Variants in ZNF804B observed in about 807,000 individuals in gnomAD.
The protein encoded by ZNF804B is zinc finger 804B.
In ZNF804B, 80 loss-of-function variants were observed where a neutral mutation model predicts 101.4. The ratio of observed to expected loss-of-function variants is 0.79; its 90% confidence interval spans 0.66 to 0.95. ZNF804B has a LOEUF of 0.95. ZNF804B is among the 40% of genes least tolerant of loss of function. ZNF804B has a pLI of 0.00. For synonymous variants in ZNF804B, 622 were observed against 558.8 expected (o/e 1.11, Z -1.59); for missense variants, 1,673 against 1,561.9 (o/e 1.07, Z -1.20).
intron 3 of ZNF804B, among the ~76,000 whole-genome samples, chr7:89,332,236 T>C (rs561086878): frequency 4.3e-4 from 65 of 151,534 alleles, no homozygotes; most frequent in African/African-American, 1.4e-3. Flanking sequence ...GACTCTAGAG[T>C]TCGATGCTGA....
At chr7:89,044,095 T>C (rs1012742087) in intron 1 of ZNF804B, among the ~76,000 whole-genome samples, 4 of 152,182 alleles carry the variant, frequency 2.6e-5, no homozygotes, top group Non-Finnish European at 5.9e-5. Flanking sequence ...CCACATGTCC[T>C]GGGAGGCATT....
intron 1 of ZNF804B, among the ~76,000 whole-genome samples, chr7:89,210,064 G>A (rs1453436607): frequency 1.3e-5 from 2 of 151,576 alleles, no homozygotes; most frequent in South Asian, 2.1e-4. Flanking sequence ...CAGGAGAATC[G>A]CTTGAACCGG....
chr7:89,263,312 C>G (rs2115818716), intron 2 of ZNF804B, among the ~76,000 whole-genome samples: 1 of 152,128 alleles, frequency 6.6e-6, no homozygotes, highest in Non-Finnish European at 1.5e-5. Flanking sequence ...CCTACCAGCA[C>G]AGACCAGTTA....
At position 88,888,018 on chromosome 7, in the gene ZNF804B, C is replaced by G. The variant is rs185271274; in HGVS notation, c.108+127934C>G. On this transcript the variant is annotated intron_variant, in intron 1 of 3. Transcript: ENST00000333190. ...CACTTTTTTACTGGCTCTATAGTTG[C>G]AGTTATATAAATCTATTATATTTTA... 2.7e-3 allele frequency among the ~76,000 whole-genome samples: 404 copies of G among 152,144 alleles called. 2 individuals are homozygous for G. The highest frequency in any genetic ancestry group is 3.6e-3 in the Non-Finnish European group (246 of 68,006).
intron 2 of ZNF804B, among the ~76,000 whole-genome samples, chr7:89,288,429 C>T (rs942326330): frequency 7.9e-5 from 12 of 152,126 alleles, no homozygotes; most frequent in Non-Finnish European, 1.3e-4. Flanking sequence ...ACCATCAAAA[C>T]AATAAATACA....
Position 88,906,330 on chromosome 7 carries a change from G to A in ZNF804B, c.108+146246G>A, listed in dbSNP as rs530572955. Among the ~76,000 whole-genome samples, 3 of 152,034 alleles carry A rather than the reference G, an allele frequency of 2.0e-5. No homozygotes were observed. The East Asian group carries it at 5.8e-4, about 29-fold the overall frequency. On this transcript the variant is annotated intron_variant, in intron 1 of 3. Coordinates refer to ENST00000333190, the MANE Select transcript of ZNF804B (RefSeq NM_181646.5). ...TTGTTCTTTTCTTCTAGTTCCTTTA[G>A]GTGCAAAGTTCAGTTGTTAACTTGA...
intron 2 of ZNF804B, among the ~76,000 whole-genome samples, chr7:89,276,781 T>G (rs1159444521): frequency 2.0e-5 from 3 of 151,900 alleles, no homozygotes; most frequent in African/African-American, 7.3e-5. Flanking sequence ...GTTTGTCAAC[T>G]ATATCATTTT....
chr7:89,117,467 G>T (rs997877365), intron 1 of ZNF804B, among the ~76,000 whole-genome samples: 4 of 152,050 alleles, frequency 2.6e-5, no homozygotes, highest in African/African-American at 9.7e-5. Flanking sequence ...ATTCTGTGTT[G>T]CTATGCTTAC....
At chr7:89,310,994 G>A (rs1790643482) in intron 2 of ZNF804B, among the ~76,000 whole-genome samples, 1 of 151,828 alleles carries the variant, frequency 6.6e-6, no homozygotes, top group African/African-American at 2.4e-5. Flanking sequence ...AATTTTTGGG[G>A]CCTAGTGCAA....
intron 1 of ZNF804B, among the ~76,000 whole-genome samples, chr7:89,177,065 A>T (rs1791333768): frequency 6.6e-6 from 1 of 151,928 alleles, no homozygotes; most frequent in Admixed American, 6.6e-5. Flanking sequence ...TATTTTGCTT[A>T]TCTTTTCAAG....
intron 1 of ZNF804B, among the ~76,000 whole-genome samples, chr7:88,762,364 G>A (rs1277562906): frequency 6.6e-6 from 1 of 152,136 alleles, no homozygotes; most frequent in African/African-American, 2.4e-5. Flanking sequence ...GTTGAGATGA[G>A]TCTTCCAACA....
chr7:88,867,602 T>G (rs1791750012), intron 1 of ZNF804B, among the ~76,000 whole-genome samples: 1 of 152,166 alleles, frequency 6.6e-6, no homozygotes, highest in African/African-American at 2.4e-5. Flanking sequence ...CAAAGACACA[T>G]CTAGAAATCA....
At chr7:88,914,668 G>A (rs1324860651) in intron 1 of ZNF804B, among the ~76,000 whole-genome samples, 1 of 152,004 alleles carries the variant, frequency 6.6e-6, no homozygotes, top group African/African-American at 2.4e-5. Context: ...TTACAATTAA[G>A]TTATATCAAA....
intron 1 of ZNF804B, among the ~76,000 whole-genome samples, chr7:88,879,209 A>C (rs1457502987): frequency 6.6e-6 from 1 of 152,158 alleles, no homozygotes; most frequent in Non-Finnish European, 1.5e-5. Flanking sequence ...GAGCAAAGTT[A>C]ATGACTTCTG....
At chr7:89,280,349 C>G (rs2115866986) in intron 2 of ZNF804B, among the ~76,000 whole-genome samples, 1 of 151,798 alleles carries the variant, frequency 6.6e-6, no homozygotes, top group Admixed American at 6.5e-5. Context: ...ATTAAAAGAA[C>G]TAGAAAAGCA....
At chr7:88,937,574 G>A (rs778483700) in intron 1 of ZNF804B, among the ~76,000 whole-genome samples, 3 of 151,942 alleles carry the variant, frequency 2.0e-5, no homozygotes, top group Non-Finnish European at 4.4e-5. Context: ...GATGAGAAAT[G>A]ATATAAAAAT....
intron 2 of ZNF804B, among the ~76,000 whole-genome samples, chr7:89,241,493 A>G (rs1789371330): frequency 6.6e-6 from 1 of 152,156 alleles, no homozygotes; most frequent in Non-Finnish European, 1.5e-5. Flanking sequence ...TGATTTATGA[A>G]GTAGTGACAA....
chr7:89,273,120 C>G (rs1382638552), intron 2 of ZNF804B, among the ~76,000 whole-genome samples: 1 of 152,048 alleles, frequency 6.6e-6, no homozygotes. Flanking sequence ...AACCTAAGCA[C>G]TATGTCATCA....
At chr7:89,123,871 A>G (rs1489169985) in intron 1 of ZNF804B, among the ~76,000 whole-genome samples, 1 of 152,192 alleles carries the variant, frequency 6.6e-6, no homozygotes, top group Non-Finnish European at 1.5e-5. Flanking sequence ...ATAAGACTCC[A>G]TGGAATATAT....
Sources: allele counts gnomAD v4.1 joint callset (sites outside exome capture counted in the v4.1 genomes callset), GRCh38; gene constraint gnomAD v4.1.1; transcripts MANE v1.5; gene names NCBI Gene and HGNC (gene_info 2026-07-23, HGNC 2026-07-21).